Variants in DDX17 observed in about 807,000 individuals in gnomAD.
The protein encoded by DDX17 is DEAD-box helicase 17.
DDX17 carries 10 observed loss-of-function variants against 80.8 expected under a neutral mutation model. The observed-to-expected ratio is 0.12, with a 90% CI of 0.08 to 0.21. The LOEUF is 0.21. Ranked by LOEUF, DDX17 falls within the 10% of genes least tolerant of loss-of-function variation. The probability of loss-of-function intolerance (pLI) is 1.00; values close to 1 mark genes in which losing one functional copy is unlikely to be tolerated. For synonymous variants in DDX17, 339 were observed against 336.2 expected (o/e 1.01, Z -0.09); for missense variants, 586 against 957.4 (o/e 0.61, Z 5.12).
In DDX17 at chr22:38,489,939, T is replaced by C; in HGVS notation, c.1448-1824A>G. On this transcript the variant is annotated intron_variant, in intron 11 of 12. Transcript: ENST00000403230. The surrounding 1 kb of genome is among the most constrained non-coding windows in gnomAD (Gnocchi z 4.6). ...CATATGACCATGGCAGTAGAACAAGTTCAATTACTACACTGGATGCGTTAA... is the reference window on the plus strand; with the variant it reads ...CATATGACCATGGCAGTAGAACAAGCTCAATTACTACACTGGATGCGTTAA... The C allele has an allele frequency of 4.0e-6, 4 of 997,668 alleles. No individual in the cohort carries two copies. Among genetic ancestry groups the C allele is most frequent in the Non-Finnish European group, 4.8e-6 (4 of 836,878 alleles). 61.8% of individuals were successfully genotyped at this position (997,668 alleles called of 1,614,324 possible).
At chr22:38,505,901 C>T in intron 1 of DDX17, 50 bp downstream of exon 1, 3 of 1,528,924 alleles carry the variant, frequency 2.0e-6, no homozygotes, top group South Asian at 1.2e-5. Flanking sequence ...CCCCAAGAAG[C>T]AACTCCCCCA....
rs1212450645 is a variant in DDX17 at position 38,489,888 on chromosome 22, A to C, written c.1448-1773T>G. 1 of 987,120 alleles carries C rather than the reference A, an allele frequency of 1.0e-6. No homozygotes were observed. The highest frequency in any genetic ancestry group is 1.2e-6 in the Non-Finnish European group (1 of 831,048). The allele number at this position is 987,120 out of a possible 1,614,324, so 61.1% of individuals were successfully genotyped here. ...ACTCCATGGTATCTTCAGAGCTAGG[A>C]TAATGCTCCTTATGCAATCCCACTG... On this transcript the variant is annotated intron_variant, in intron 11 of 12. Transcript: ENST00000403230. The surrounding 1 kb of genome is among the most constrained non-coding windows in gnomAD (Gnocchi z 4.6).
chr22:38,495,801 T>C lies in DDX17; in HGVS notation c.875A>G (p.Glu292Gly), dbSNP rs1209258310. Residue 292 changes from glutamate to glycine, a missense_variant, in exon 6 of 13, where the codon GAA becomes GGA. Coordinates refer to ENST00000403230, the MANE Select transcript of DDX17 (RefSeq NM_006386.5). ...TTTACACTATATATTATTACCTCTT[T>C]CCAAGTCTCGAATCTGGGGACCTTT... 6.3e-7 allele frequency: 1 copy of C among 1,597,704 alleles called. No homozygotes were observed. Among genetic ancestry groups the C allele is most frequent in the Non-Finnish European group, 8.5e-7 (1 of 1,172,944 alleles).
At chr22:38,498,625 A>G (rs2089793381) in intron 3 of DDX17, 52 bp from the exon 4 acceptor site, 3 of 1,590,096 alleles carry the variant, frequency 1.9e-6, no homozygotes, top group Non-Finnish European at 2.6e-6. Flanking sequence ...GACACAAACC[A>G]AGAGTTTTTA....
chr22:38,496,362 TTC>T (rs1297133528), intron 5 of DDX17, among the ~76,000 whole-genome samples: 2 of 152,204 alleles, frequency 1.3e-5, no homozygotes, highest in Admixed American at 1.3e-4. Context: ...TTGTTTTGTT[TTC>T]TGAGACAAAG....
intron 6 of DDX17, 89 bp from the exon 7 acceptor site, chr22:38,495,135 G>T: frequency 7.5e-7 from 1 of 1,335,184 alleles, no homozygotes; most frequent in Non-Finnish European, 1.0e-6. Flanking sequence ...GAGGCGGGAA[G>T]ATCGCTTGAG....
chr22:38,499,327 G>T, intron 3 of DDX17, 73 bp downstream of exon 3: 2 of 1,193,654 alleles, frequency 1.7e-6, no homozygotes, highest in Non-Finnish European at 2.5e-6. Flanking sequence ...GGCTCAAAGA[G>T]TTTAACCTAC....
At chr22:38,491,414 A>T (rs903179712) in intron 11 of DDX17, 2 of 152,134 alleles carry the variant, frequency 1.3e-5, no homozygotes, top group African/African-American at 4.8e-5. Flanking sequence ...AATTCTCTGT[A>T]TATCTTAAAT....
At chr22:38,500,240 T>A (rs1252943038) in intron 2 of DDX17, among the ~76,000 whole-genome samples, 1 of 149,848 alleles carries the variant, frequency 6.7e-6, no homozygotes, top group Admixed American at 6.7e-5. Flanking sequence ...TAATATACAA[T>A]ATTTCAATCA....
chr22:38,487,171 C>G (rs531228280), intron 12 of DDX17, among the ~76,000 whole-genome samples: 131 of 152,108 alleles, frequency 8.6e-4, no homozygotes, highest in Non-Finnish European at 1.5e-3. Context: ...GTCTCTGCCC[C>G]CGCCCCGCCA....
At chr22:38,501,308 T>C in intron 1 of DDX17, 28 bp from the exon 2 acceptor site, 1 of 1,595,674 alleles carries the variant, frequency 6.3e-7, no homozygotes, top group Non-Finnish European at 8.5e-7. Flanking sequence ...AGTTAGTTCA[T>C]CAGTATTTTT....
chr22:38,505,585 C>G (rs1198233805), intron 1 of DDX17: 3 of 233,252 alleles, frequency 1.3e-5, no homozygotes, highest in Non-Finnish European at 2.5e-5. Flanking sequence ...CTGGAGACAT[C>G]GAACAGCCCG....
At position 38,489,770 on chromosome 22, in the gene DDX17, C is replaced by T. The variant is rs2089694747; in HGVS notation, c.1448-1655G>A. 2.0e-6 allele frequency: 2 copies of T among 985,450 alleles called. No individual in the cohort carries two copies. Among genetic ancestry groups the T allele is most frequent in the Non-Finnish European group, 2.4e-6 (2 of 830,026 alleles). 61.0% of individuals were successfully genotyped at this position (985,450 alleles called of 1,614,324 possible). The stretch of plus-strand genomic sequence containing the variant: ...ACGAGAAGGCACTTATCACAGGGGG[C>T]AGCTTGAGTCTCCGGCTAGGGTCGT... On this transcript the variant is annotated intron_variant, in intron 11 of 12. Transcript: ENST00000403230. This position sits in a 1 kb window ranked among gnomAD's most constrained non-coding sequence, Gnocchi z 4.6.
At position 38,495,778 on chromosome 22, in the gene DDX17, T is replaced by C. The variant is rs1360251342; in HGVS notation, c.880+18A>G. 2.0e-6 allele frequency: 3 copies of C among 1,511,774 alleles called. No homozygotes were observed. Among genetic ancestry groups the C allele is most frequent in the East Asian group, 2.4e-5 (1 of 41,184 alleles). 93.6% of individuals were successfully genotyped at this position (1,511,774 alleles called of 1,614,324 possible). Reference sequence around the variant, plus strand: ...AAGTAAGATAAACTAACAATTCTTTTACACTATATATTATTACCTCTTTCC... The same window carrying C: ...AAGTAAGATAAACTAACAATTCTTTCACACTATATATTATTACCTCTTTCC... On this transcript the variant is annotated intron_variant, in intron 6 of 12. Transcript: ENST00000403230.
intron 1 of DDX17, chr22:38,505,125 TCTCGAA>T (rs1349315409): frequency 6.6e-6 from 1 of 152,214 alleles, no homozygotes; most frequent in Non-Finnish European, 1.5e-5. Flanking sequence ...ATCAGGCTGG[TCTCGAA>T]CTCCTGACCT....
At chr22:38,498,391 G>A (rs370539173) in intron 4 of DDX17, 49 bp downstream of exon 4, 1 of 1,608,708 alleles carries the variant, frequency 6.2e-7, no homozygotes, top group Middle Eastern at 1.7e-4. Flanking sequence ...AACTAGAATA[G>A]CAAAATAAGT....
At chr22:38,499,607 TA>T (rs1462201356) in intron 2 of DDX17, 108 bp from the exon 3 acceptor site, 10 of 826,634 alleles carry the variant, frequency 1.2e-5, no homozygotes, top group Non-Finnish European at 2.0e-5. Flanking sequence ...TGTTGGCAAA[TA>T]TTTAATAGTT....
Position 38,487,976 on chromosome 22 carries a change from C to G in DDX17, c.1587G>C (p.Gln529His), listed in dbSNP as rs1199618101. The change falls in exon 12 of 13, where the codon CAG (glutamine) becomes CAC (histidine). Residue 529 changes from glutamine to histidine, a missense_variant. Coordinates refer to ENST00000403230, the MANE Select transcript of DDX17 (RefSeq NM_006386.5). ...CCAGCACTTTGATAAGCTCTCTGGC[C>G]TGTTTTAGGTTCCCTGGGGTGAAGA... The G allele has an allele frequency of 6.2e-7, 1 of 1,614,184 alleles. No individual in the cohort carries two copies. Among genetic ancestry groups the G allele is most frequent in the African/African-American group, 1.3e-5 (1 of 75,042 alleles).
chr22:38,495,181 C>A (rs2089748504), intron 6 of DDX17, 135 bp from the exon 7 acceptor site: 3 of 770,560 alleles, frequency 3.9e-6, no homozygotes, highest in Admixed American at 3.0e-5. Flanking sequence ...CATAGCAAGA[C>A]CCCGACTCTA....
Sources: allele counts gnomAD v4.1 joint callset (sites outside exome capture counted in the v4.1 genomes callset), GRCh38; gene constraint gnomAD v4.1.1; non-coding constraint Gnocchi (gnomAD v3.1); transcripts MANE v1.5; gene names NCBI Gene and HGNC (gene_info 2026-07-23, HGNC 2026-07-21).